ZCCHC2: variants seen among roughly 807,000 people sequenced by gnomAD.
ZCCHC2 encodes zinc finger CCHC-type containing 2, also known as zinc finger CCHC domain-containing protein 2.
In ZCCHC2, 39 loss-of-function variants were observed where a neutral mutation model predicts 103.6. The ratio of observed to expected loss-of-function variants is 0.38; its 90% CI spans 0.29 to 0.49. The LOEUF (loss-of-function observed/expected upper bound fraction) is 0.49. Among genes scored for constraint, ZCCHC2 ranks in the 20% least tolerant of loss-of-function variants. The pLI, the probability that ZCCHC2 is intolerant of heterozygous loss-of-function variation, is 0.96. For missense variants in ZCCHC2, 1,483 were observed against 1,491.0 expected (o/e 0.99, Z 0.09); for synonymous variants, 687 against 608.9 (o/e 1.13, Z -1.89).
At chr18:62,524,450 G>A in intron 1 of ZCCHC2, 87 bp downstream of exon 1, 1 of 1,402,936 alleles carries the variant, frequency 7.1e-7, no homozygotes. Context: ...CCCCTTGCCC[G>A]AGCCCCAGCC....
In ZCCHC2 at chr18:62,524,068, GCGGCGCGGAGGACGAGCGCGGCGAGGA is replaced by G; in HGVS notation, c.650_676del (p.Ala217_Gly225del). 6.7e-7 allele frequency: 1 copy of G among 1,493,370 alleles called. No homozygotes were observed. The highest frequency in any genetic ancestry group is 8.8e-7 in the Non-Finnish European group (1 of 1,130,586). 92.5% of individuals were successfully genotyped at this position (1,493,370 alleles called of 1,614,324 possible). A position where few individuals can be genotyped will look rare whatever the true frequency, so the allele number is the denominator to read the frequency against. ...GCGGCCCGGGGCGAGGGCTCGCGGGGCGGCGCGGAGGACGAGCGCGGCGAGGACGGCGACGGCGAGCAGGACGCCGAG... is the reference window on the plus strand; with the variant it reads ...GCGGCCCGGGGCGAGGGCTCGCGGGGCGGCGACGGCGAGCAGGACGCCGAG... On this transcript the variant is annotated inframe_deletion, in exon 1 of 14. Transcript: ENST00000269499.
chr18:62,564,758 C>T (rs768060558), intron 10 of ZCCHC2, 123 bp downstream of exon 10: 1 of 830,640 alleles, frequency 1.2e-6, no homozygotes, highest in Non-Finnish European at 1.8e-6. Context: ...CTGGGTTTTA[C>T]TCTTTTGGTT....
At chr18:62,553,065 A>G (rs1414817265) in intron 5 of ZCCHC2, among the ~76,000 whole-genome samples, 1 of 152,108 alleles carries the variant, frequency 6.6e-6, no homozygotes, top group African/African-American at 2.4e-5. Context: ...GTGTACTGAG[A>G]AAATTCCCCG....
chr18:62,523,325 G>T lies in ZCCHC2; in HGVS notation c.-100G>T. On this transcript the variant is annotated 5_prime_UTR_variant, in exon 1 of 14. Transcript: ENST00000269499. ...GGCCCTCCCCCGGCGGCATGGAGGGGCCCCGCTCCTGACGGCCGCGCCGCC... is the reference window on the plus strand; with the variant it reads ...GGCCCTCCCCCGGCGGCATGGAGGGTCCCCGCTCCTGACGGCCGCGCCGCC... 3 of 984,978 alleles carry T rather than the reference G, an allele frequency of 3.0e-6. No homozygotes were observed. Among genetic ancestry groups the T allele is most frequent in the Non-Finnish European group, 3.6e-6 (3 of 830,466 alleles). 61.0% of individuals were successfully genotyped at this position (984,978 alleles called of 1,614,324 possible).
rs748693793 is a variant in ZCCHC2, at chr18:62,539,790, A to T, written c.1049A>T (p.Glu350Val). 1 of 1,603,088 alleles carries T rather than the reference A, an allele frequency of 6.2e-7. No homozygotes were observed. Among genetic ancestry groups the T allele is most frequent in the Admixed American group, 1.7e-5 (1 of 58,686 alleles). ...LTVAPHRAQR[E>V]AVHIEKIMLK... ...GTGGCACCTCACAGAGCTCAGCGAG[A>T]AGGTATGCTCTCTTTTTTGTAAACT... Residue 350 changes from glutamate (E) to valine (V), a missense_variant and splice_region_variant, in exon 2 of 14, where the codon GAA (glutamate) becomes GTA (valine). Coordinates refer to ENST00000269499, the MANE Select transcript of ZCCHC2 (RefSeq NM_017742.6).
Position 62,577,081 on chromosome 18 carries a change from A to G in ZCCHC2, c.*502A>G, listed in dbSNP as rs1253104248. The stretch of plus-strand genomic sequence containing the variant: ...GAGCAGCCAGCAGTGCATTCACCCC[A>G]CTTTTGTAAACTGCTCTGCATATAA... On this transcript the variant is annotated 3_prime_UTR_variant, in exon 14 of 14. Transcript: ENST00000269499. 1 of 158,526 alleles carries G rather than the reference A, an allele frequency of 6.3e-6. No homozygotes were observed. The highest frequency in any genetic ancestry group is 1.8e-4 in the South Asian group (1 of 5,538). 9.8% of individuals were successfully genotyped at this position (158,526 alleles called of 1,614,324 possible). A position where few individuals can be genotyped will look rare whatever the true frequency, so the allele number is the denominator to read the frequency against.
At chr18:62,558,661 TTAA>T in intron 6 of ZCCHC2, 23 bp from the exon 7 acceptor site, 1 of 1,318,810 alleles carries the variant, frequency 7.6e-7, no homozygotes, top group Non-Finnish European at 1.0e-6. Flanking sequence ...TCCTAAAAAG[TTAA>T]TAGTATTGAA....
At chr18:62,531,686 C>T (rs1307492217) in intron 1 of ZCCHC2, among the ~76,000 whole-genome samples, 1 of 151,854 alleles carries the variant, frequency 6.6e-6, no homozygotes, top group Non-Finnish European at 1.5e-5. Context: ...GTGGCTCACG[C>T]CTGTAATCTC....
intron 1 of ZCCHC2, 32 bp downstream of exon 1, chr18:62,524,395 G>A (rs1213046227): frequency 4.8e-5 from 69 of 1,438,940 alleles, no homozygotes; most frequent in Non-Finnish European, 6.1e-5. Context: ...TGGACTCGCG[G>A]TGCGATCGCT....
Position 62,564,606 on chromosome 18 carries a change from T to C in ZCCHC2, c.1722T>C (p.Asn574=), listed in dbSNP as rs1006338517. ...AAAAACGGAGTTTATCTTCAATAAA[T>C]AAGAAGAAAGGAAAGCCACAAACAG... The part of the protein sequence containing the change: ...SAEKRSLSSI[N]KKKGKPQTEK... Residue 574 remains asparagine (N), a synonymous_variant, in exon 10 of 14, where the codon AAT becomes AAC. Coordinates refer to ENST00000269499, the MANE Select transcript of ZCCHC2 (RefSeq NM_017742.6). 1.4e-5 allele frequency: 21 copies of C among 1,544,778 alleles called. No homozygotes were observed. Among genetic ancestry groups the C allele is most frequent in the Admixed American group, 4.0e-5 (2 of 49,722 alleles).
chr18:62,553,154 T>TTG (rs1415208304), intron 5 of ZCCHC2, among the ~76,000 whole-genome samples: 37 of 125,816 alleles, frequency 2.9e-4, no homozygotes, highest in Middle Eastern at 3.8e-3. Flanking sequence ...GCCCTTAGAT[T>TTG]TATGTGTGTG....
chr18:62,573,449 C>T (rs1916669995), intron 12 of ZCCHC2, among the ~76,000 whole-genome samples: 1 of 152,114 alleles, frequency 6.6e-6, no homozygotes, highest in African/African-American at 2.4e-5. Flanking sequence ...GCCACACTCT[C>T]CTATTCCTGT....
chr18:62,562,070 C>T (rs999079851), intron 8 of ZCCHC2, among the ~76,000 whole-genome samples: 1 of 152,116 alleles, frequency 6.6e-6, no homozygotes, highest in African/African-American at 2.4e-5. Context: ...AGTCTCAGCT[C>T]GCTGCAACCT....
chr18:62,539,926 C>G (rs1915102134), intron 2 of ZCCHC2, 134 bp downstream of exon 2: 1 of 695,980 alleles, frequency 1.4e-6, no homozygotes, highest in Non-Finnish European at 2.4e-6. Flanking sequence ...AGGCTTCACT[C>G]AAGAGCCAGT....
downstream of ZCCHC2, among the ~76,000 whole-genome samples, chr18:62,580,189 T>C (rs959596970): frequency 3.3e-5 from 5 of 152,248 alleles, no homozygotes; most frequent in Non-Finnish European, 5.9e-5. Flanking sequence ...TGTGTTCTTA[T>C]ATTTATTCAT....
intron 1 of ZCCHC2, among the ~76,000 whole-genome samples, chr18:62,535,022 G>A (rs1377452737): frequency 1.3e-5 from 2 of 152,218 alleles, no homozygotes; most frequent in East Asian, 3.8e-4. Context: ...TGGCTCTGCT[G>A]CAGGTGCTAG....
chr18:62,575,481 T>TA lies in ZCCHC2; in HGVS notation c.3401dup (p.Tyr1134Ter). 6.2e-7 allele frequency: 1 copy of TA among 1,614,060 alleles called. No homozygotes were observed. Among genetic ancestry groups the TA allele is most frequent in the Non-Finnish European group, 8.5e-7 (1 of 1,179,904 alleles). ...GPKKNGNVSC[Y>*]NCGVSGHYAQ... ...CAAGAAGAATGGGAATGTCTCATGT[T>TA]ACAATTGTGGTGTAAGCGGACACTA... is the stretch of plus-strand genomic sequence containing the variant. The change falls in exon 13 of 14, where the codon TAC (tyrosine) becomes TAAC (stop). Residue 1134 changes from tyrosine to a stop codon, truncating the protein, a stop_gained and frameshift_variant. Coordinates refer to ENST00000269499, the MANE Select transcript of ZCCHC2 (RefSeq NM_017742.6). LOFTEE classifies it high-confidence loss of function.
At position 62,550,478 on chromosome 18, in the gene ZCCHC2, G is replaced by T. The variant is rs767652299; in HGVS notation, c.1313+18G>T. The T allele has an allele frequency of 6.3e-7, 1 of 1,587,350 alleles. No individual in the cohort carries two copies. The highest frequency in any genetic ancestry group is 1.7e-5 in the Admixed American group (1 of 58,648). On this transcript the variant is annotated intron_variant, in intron 5 of 13. Coordinates refer to ENST00000269499, the MANE Select transcript of ZCCHC2 (RefSeq NM_017742.6). Reference sequence around the variant, plus strand: ...ATCCTAAGGTAATGATTTACCTGACGCCTATCATAGCAGCATACACACAGG... The same window carrying T: ...ATCCTAAGGTAATGATTTACCTGACTCCTATCATAGCAGCATACACACAGG...
chr18:62,532,975 G>A (rs1442784904), intron 1 of ZCCHC2, among the ~76,000 whole-genome samples: 1 of 152,140 alleles, frequency 6.6e-6, no homozygotes, highest in Non-Finnish European at 1.5e-5. Context: ...AGGATAGCTT[G>A]ACCCAGCCTG....
Sources: allele counts gnomAD v4.1 joint callset (sites outside exome capture counted in the v4.1 genomes callset), GRCh38; gene constraint gnomAD v4.1.1; transcripts MANE v1.5; gene names NCBI Gene and HGNC (gene_info 2026-07-23, HGNC 2026-07-21).